DNAH9: variants seen among roughly 807,000 people sequenced by gnomAD.
DNAH9 encodes dynein axonemal heavy chain 9, also known as DNAH9 variant protein.
Under a neutral mutation model 471.6 loss-of-function variants are expected in DNAH9, and 345 were observed. The ratio of observed to expected loss-of-function variants is 0.73; its 90% CI spans 0.67 to 0.80. The LOEUF (loss-of-function observed/expected upper bound fraction) is 0.80, where lower values mean the gene tolerates loss of function less well. DNAH9 is among the 30% of genes least tolerant of loss of function. The probability of loss-of-function intolerance (pLI) is 0.00; values close to 1 mark genes in which losing one functional copy is unlikely to be tolerated. For synonymous variants in DNAH9, 2,093 were observed against 2,123.6 expected (o/e 0.99, Z 0.40); for missense variants, 5,407 against 5,609.2 (o/e 0.96, Z 1.15).
At chr17:11,692,897 A>C (rs2074358121) in intron 20 of DNAH9, among the ~76,000 whole-genome samples, 1 of 152,022 alleles carries the variant, frequency 6.6e-6, no homozygotes, top group Non-Finnish European at 1.5e-5. Flanking sequence ...TAATGGGTTT[A>C]TTATTGTTAC....
chr17:11,912,994 C>T (rs576276025), intron 61 of DNAH9, among the ~76,000 whole-genome samples: 1 of 152,024 alleles, frequency 6.6e-6, no homozygotes, highest in East Asian at 1.9e-4. Context: ...ATGGTGAAAC[C>T]CCATCTCTAC....
intron 15 of DNAH9, among the ~76,000 whole-genome samples, chr17:11,667,617 A>T (rs1412977414): frequency 1.3e-5 from 2 of 152,230 alleles, no homozygotes; most frequent in East Asian, 3.9e-4. Flanking sequence ...TGAAAGCAAG[A>T]GTCAAAGGTG....
In DNAH9 at chr17:11,890,730, AC is replaced by A. The variant is rs1023829218; in HGVS notation, c.11113-1046del. On this transcript the variant is annotated intron_variant, in intron 57 of 68. Transcript: ENST00000262442. Reference sequence around the variant, plus strand: ...GTTTTGTTTCTTAGGTTATTTTGAGACAGGGTCTCACTCTGTTGCCCAGGCT... The same window carrying A: ...GTTTTGTTTCTTAGGTTATTTTGAGAAGGGTCTCACTCTGTTGCCCAGGCT... Among the ~76,000 whole-genome samples, 155 of 152,150 alleles carry A rather than the reference AC, an allele frequency of 1.0e-3. 1 individual carries two copies. Among genetic ancestry groups the A allele is most frequent in the African/African-American group, 3.5e-3 (144 of 41,522 alleles).
intron 36 of DNAH9, among the ~76,000 whole-genome samples, chr17:11,766,282 A>C (rs1279317505): frequency 6.6e-6 from 1 of 151,164 alleles, no homozygotes; most frequent in Non-Finnish European, 1.5e-5. Flanking sequence ...AATGGAGGCT[A>C]TACCTGAGTA....
Position 11,962,153 on chromosome 17 carries a change from A to C in DNAH9, c.13130A>C (p.Gln4377Pro). ...TGGCCACTGGACCAGATGGCCCTGC[A>C]ATGTGACATGACGAAGAAGAACAGA... ...NEWPLDQMAL[Q>P]CDMTKKNREE... The change falls in exon 68 of 69, where the codon CAA (glutamine) becomes CCA (proline). Residue 4377 changes from glutamine to proline, a missense_variant. This residue lies in a region of DNAH9 where 4,636 missense variants were observed against 4,900.3 expected (regional missense o/e 0.95). Transcript: ENST00000262442. The surrounding 1 kb of genome is among the most constrained non-coding windows in gnomAD (Gnocchi z 4.1). 1 of 1,614,160 alleles carries C rather than the reference A, an allele frequency of 6.2e-7. No homozygotes were observed. Among genetic ancestry groups the C allele is most frequent in the Non-Finnish European group, 8.5e-7 (1 of 1,180,036 alleles).
intron 31 of DNAH9, among the ~76,000 whole-genome samples, chr17:11,746,839 C>T (rs979466554): frequency 6.6e-6 from 1 of 152,158 alleles, no homozygotes; most frequent in Non-Finnish European, 1.5e-5. Flanking sequence ...TATTCTCAGA[C>T]TCATAAATGT....
At chr17:11,863,405 C>T (rs1971929506) in intron 50 of DNAH9, among the ~76,000 whole-genome samples, 1 of 152,204 alleles carries the variant, frequency 6.6e-6, no homozygotes, top group South Asian at 2.1e-4. Context: ...TTTTGATGTG[C>T]TGCTGGATTC....
At chr17:11,704,560 A>T (rs565336929) in intron 25 of DNAH9, 118 bp downstream of exon 25, 484 of 740,048 alleles carry the variant, frequency 6.5e-4, no homozygotes, top group Non-Finnish European at 9.1e-4. Context: ...CAGCTGGGGG[A>T]GGATCACAGT....
At chr17:11,618,410 A>AC (rs1326277578) in intron 5 of DNAH9, among the ~76,000 whole-genome samples, 1 of 151,930 alleles carries the variant, frequency 6.6e-6, no homozygotes, top group Non-Finnish European at 1.5e-5. Flanking sequence ...ACATGGTGAA[A>AC]CCCCATCTCT....
intron 43 of DNAH9, among the ~76,000 whole-genome samples, chr17:11,804,199 A>G (rs1264864432): frequency 6.6e-6 from 1 of 152,220 alleles, no homozygotes; most frequent in Non-Finnish European, 1.5e-5. Flanking sequence ...AAGTTTCACA[A>G]TTAAATAATT....
intron 49 of DNAH9, among the ~76,000 whole-genome samples, chr17:11,847,712 C>T (rs1425007320): frequency 6.6e-6 from 1 of 152,190 alleles, no homozygotes; most frequent in Non-Finnish European, 1.5e-5. Context: ...TTCTGCTCCC[C>T]TCCTCTTATT....
intron 36 of DNAH9, among the ~76,000 whole-genome samples, chr17:11,764,981 A>T (rs1325788523): frequency 6.6e-6 from 1 of 152,156 alleles, no homozygotes; most frequent in Non-Finnish European, 1.5e-5. Flanking sequence ...GCAAAAATAA[A>T]AGCAAAAAAG....
At chr17:11,842,328 T>A (rs1238416983) in intron 49 of DNAH9, among the ~76,000 whole-genome samples, 2 of 152,228 alleles carry the variant, frequency 1.3e-5, no homozygotes, top group Admixed American at 1.3e-4. Context: ...TATATAATGC[T>A]ATTTATGTAT....
At position 11,651,202 on chromosome 17, in the gene DNAH9, AT is replaced by A; in HGVS notation, c.2233del (p.Trp745GlyfsTer6). 6.2e-7 allele frequency: 1 copy of A among 1,614,124 alleles called. No individual in the cohort carries two copies. The highest frequency in any genetic ancestry group is 8.5e-7 in the Non-Finnish European group (1 of 1,180,022). ...QLVANLELMA[N>X]WYNKVMKTLL... ...GTGGCTAATTTAGAGTTGATGGCAA[AT>A]TGGTACAACAAGGTTATGAAAACTC... is the stretch of plus-strand genomic sequence containing the variant. On this transcript the variant is annotated frameshift_variant, in exon 13 of 69. Coordinates refer to ENST00000262442, the MANE Select transcript of DNAH9 (RefSeq NM_001372.4). LOFTEE classifies it high-confidence loss of function.
chr17:11,881,477 G>A, intron 55 of DNAH9, 64 bp downstream of exon 55: 2 of 1,501,642 alleles, frequency 1.3e-6, no homozygotes, highest in South Asian at 1.3e-5. Flanking sequence ...CTCTGGGAGA[G>A]GTTGCAGAGG....
intron 15 of DNAH9, among the ~76,000 whole-genome samples, chr17:11,667,202 A>G (rs2073887672): frequency 6.6e-6 from 1 of 152,254 alleles, no homozygotes; most frequent in Non-Finnish European, 1.5e-5. Context: ...ATTAATTTAT[A>G]AGTACATAAT....
chr17:11,784,338 A>C lies in DNAH9; in HGVS notation c.7860A>C (p.Ala2620=), dbSNP rs2150898524. ...FSVFVLSFPG[A]DALSSIYSII... is the part of the protein sequence containing the mutation. ...TGTTTGTCCTCTCCTTCCCGGGGGC[A>C]GATGCCCTGTCCTCTATCTACAGCA... The change falls in exon 41 of 69, where the codon GCA becomes GCC. Residue 2620 remains alanine (A), a synonymous_variant. Coordinates refer to ENST00000262442, the MANE Select transcript of DNAH9 (RefSeq NM_001372.4). The C allele has an allele frequency of 6.2e-7, 1 of 1,614,206 alleles. No homozygotes were observed. Among genetic ancestry groups the C allele is most frequent in the Middle Eastern group, 1.6e-4 (1 of 6,062 alleles).
At chr17:11,789,022 TATG>T (rs1968974683) in intron 41 of DNAH9, among the ~76,000 whole-genome samples, 1 of 152,082 alleles carries the variant, frequency 6.6e-6, no homozygotes. Flanking sequence ...ATTCTGGTAA[TATG>T]ATAAATTAAT....
intron 31 of DNAH9, among the ~76,000 whole-genome samples, chr17:11,745,368 T>C (rs1001491250): frequency 3.3e-5 from 5 of 152,108 alleles, no homozygotes; most frequent in Non-Finnish European, 1.5e-5. Flanking sequence ...CACCCATAAA[T>C]GAAAGGACAA....
Sources: allele counts gnomAD v4.1 joint callset (sites outside exome capture counted in the v4.1 genomes callset), GRCh38; gene constraint gnomAD v4.1.1; regional missense constraint gnomAD v4.1.1; non-coding constraint Gnocchi (gnomAD v3.1); transcripts MANE v1.5; gene names NCBI Gene and HGNC (gene_info 2026-07-23, HGNC 2026-07-21).